TBC1D25: variants seen among roughly 807,000 people sequenced by gnomAD.
TBC1D25 encodes TBC1 domain family member 25, also known as 5SN3 snoRNA.
Under a neutral mutation model 38.8 loss-of-function variants are expected in TBC1D25, and 13 were observed. That is an observed-to-expected ratio of 0.34 (90% CI 0.22 to 0.53). TBC1D25 has a LOEUF of 0.53. Among genes scored for constraint, TBC1D25 ranks in the 20% least tolerant of loss-of-function variants. The pLI is 0.94. For missense variants in TBC1D25, 372 were observed against 600.0 expected (o/e 0.62, Z 3.97); for synonymous variants, 225 against 255.6 (o/e 0.88, Z 1.14).
At position 48,539,868 on chromosome X, in the gene TBC1D25, C is replaced by T. The variant is rs1046447031; in HGVS notation, c.71C>T (p.Ala24Val). The change falls in exon 1 of 6, where the codon GCG becomes GTG. Residue 24 changes from alanine (A) to valine (V), a missense_variant. Around this residue, in one of 2 missense-constraint regions of TBC1D25, gnomAD observed 60 missense variants for 50.7 expected, o/e 1.18. Transcript: ENST00000376771. The stretch of plus-strand genomic sequence containing the variant: ...CCCCCGCCCGGTGTGGGAGCTCAGG[C>T]GGCGGCGGCCGCTGAGGAGGAGGAG... The part of the protein sequence containing the change: ...GAPPPGVGAQ[A>V]AAAAEEEERE... 40 of 965,696 alleles carry T rather than the reference C, an allele frequency of 4.1e-5. No individual in the cohort carries two copies. Among genetic ancestry groups the T allele is most frequent in the Non-Finnish European group, 5.1e-5 (39 of 768,335 alleles). The allele number at this position is 965,696 out of a possible 1,213,427, so 79.6% of individuals were successfully genotyped here.
Position 48,560,932 on chromosome X carries a change from T to A in TBC1D25, c.2024T>A (p.Val675Glu). 1 of 1,207,201 alleles carries A rather than the reference T, an allele frequency of 8.3e-7. No individual in the cohort carries two copies. Among genetic ancestry groups the A allele is most frequent in the Non-Finnish European group, 1.1e-6 (1 of 893,392 alleles). ...ALFADYLQSE[V>E]WDSEEGAEAT... ...TTTGCTGATTACCTGCAGTCAGAGG[T>A]GTGGGACTCAGAGGAGGGGGCTGAG... Residue 675 changes from valine to glutamate, a missense_variant, in exon 6 of 6, where the codon GTG (valine) becomes GAG (glutamate). By Grantham distance (121) the Val-to-Glu change is moderately radical. This residue lies in a region of TBC1D25 where 312 missense variants were observed against 549.3 expected (regional missense o/e 0.57). Transcript: ENST00000376771.
At chrX:48,557,329 G>A (rs1270823810) in intron 3 of TBC1D25, among the ~76,000 whole-genome samples, 1 of 111,098 alleles carries the variant, frequency 9.0e-6, no homozygotes, top group Non-Finnish European at 1.9e-5. Flanking sequence ...GCAACATAGC[G>A]AAACCTCATC....
intron 3 of TBC1D25, among the ~76,000 whole-genome samples, chrX:48,545,724 G>T (rs888140877): frequency 8.9e-6 from 1 of 112,118 alleles, no homozygotes; most frequent in African/African-American, 3.2e-5. Context: ...TAGTCGTTTT[G>T]TGCTACTATA....
At chrX:48,558,853 G>A in intron 3 of TBC1D25, 44 bp from the exon 4 acceptor site, 5 of 1,206,812 alleles carry the variant, frequency 4.1e-6, no homozygotes, top group Non-Finnish European at 3.4e-6. Context: ...CTGAGGTCTG[G>A]GTTATCATCC....
At chrX:48,544,744 G>C in intron 2 of TBC1D25, 125 bp from the exon 3 acceptor site, 1 of 890,629 alleles carries the variant, frequency 1.1e-6, no homozygotes, top group Non-Finnish European at 1.5e-6. Context: ...CCTTGGCACA[G>C]TACCTTGCAC....
At chrX:48,550,082 G>A (rs2061917693) in intron 3 of TBC1D25, among the ~76,000 whole-genome samples, 1 of 109,977 alleles carries the variant, frequency 9.1e-6, no homozygotes, top group Non-Finnish European at 1.9e-5. Context: ...CGTCTCCTGG[G>A]TTCAAGCAAT....
In TBC1D25 at chrX:48,553,616, C is replaced by CTTTTTTT. The variant is rs1209605714; in HGVS notation, c.389-5265_389-5259dup. ...GGAAGCTGCAAGAGTTTTTCTTTTT[C>CTTTTTTT]TTTTTTTTTTTTTTTTTTTTTTGAG... On this transcript the variant is annotated intron_variant, in intron 3 of 5. Transcript: ENST00000376771. 6.2e-3 allele frequency among the ~76,000 whole-genome samples: 327 copies of CTTTTTTT among 53,073 alleles called. 1 individual carries two copies. Among genetic ancestry groups the CTTTTTTT allele is most frequent in the Non-Finnish European group, 7.7e-3 (245 of 31,940 alleles). 46.1% of individuals were successfully genotyped at this position (53,073 alleles called of 115,157 possible).
In TBC1D25 at chrX:48,555,476, G is replaced by A. The variant is rs782286521; in HGVS notation, c.389-3421G>A. On this transcript the variant is annotated intron_variant, in intron 3 of 5. Transcript: ENST00000376771. ...GTTTGAAAGTTAGCCACTTGGGCCG[G>A]ATGCAGTGGCTCACGCCTGTAATCC... is the stretch of plus-strand genomic sequence containing the variant. Among the ~76,000 whole-genome samples the A allele has an allele frequency of 2.9e-3, 322 of 112,664 alleles. 3 individuals are homozygous for A. The highest frequency in any genetic ancestry group is 9.6e-3 in the African/African-American group (297 of 31,097).
chrX:48,542,165 A>ATTT (rs1389559717), intron 2 of TBC1D25, among the ~76,000 whole-genome samples: 6 of 75,516 alleles, frequency 7.9e-5, no homozygotes, highest in African/African-American at 1.0e-4. Flanking sequence ...TGCCCGGATA[A>ATTT]TTTTTTTTTT....
Position 48,544,847 on chromosome X carries a change from C to T in TBC1D25, c.234-22C>T, listed in dbSNP as rs782588729. 11 of 1,208,310 alleles carry T rather than the reference C, an allele frequency of 9.1e-6. 1 individual carries two copies. The South Asian group carries it at 1.6e-4, about 18-fold the overall frequency. On this transcript the variant is annotated intron_variant, in intron 2 of 5. Transcript: ENST00000376771. The stretch of plus-strand genomic sequence containing the variant: ...TCCAGGGCACCAGGGGCCCTGAGAG[C>T]TCCCTCGTATCCCCTGTCCAGGAAG...
Position 48,560,403 on chromosome X carries a change from G to A in TBC1D25, c.1495G>A (p.Gly499Arg), listed in dbSNP as rs200545521. 8 of 1,211,531 alleles carry A rather than the reference G, an allele frequency of 6.6e-6. No homozygotes were observed. The highest frequency in any genetic ancestry group is 5.6e-6 in the Non-Finnish European group (5 of 895,407). ...AGCCAGTCAGGGGCCTGGTGGTGGG[G>A]GGCGTCTCCTGAGACAGGCCAGCTT... The part of the protein sequence containing the change: ...ATASQGPGGG[G>R]RLLRQASLDG... The change falls in exon 6 of 6, where the codon GGG becomes AGG. Residue 499 changes from glycine (G) to arginine (R), a missense_variant. Physicochemically the swap from Gly to Arg is moderately radical, Grantham distance 125 (BLOSUM62 -2). Coordinates refer to ENST00000376771, the MANE Select transcript of TBC1D25 (RefSeq NM_002536.4).
chrX:48,546,059 A>G (rs1426545543), intron 3 of TBC1D25, among the ~76,000 whole-genome samples: 1 of 110,186 alleles, frequency 9.1e-6, no homozygotes, highest in Admixed American at 9.8e-5. Context: ...AAAAAAATAC[A>G]AAAATTAGCC....
Position 48,559,820 on chromosome X carries a change from G to T in TBC1D25, c.912G>T (p.Gly304=), listed in dbSNP as rs782755249. The part of the protein sequence containing the change: ...RTDRAHPYYA[G]PEDGPHLRAL... ...ACCGGGCCCACCCCTACTATGCGGG[G>T]CCTGAGGATGGCCCACATCTACGGG... is the stretch of plus-strand genomic sequence containing the variant. The change falls in exon 6 of 6, where the codon GGG becomes GGT. Residue 304 remains glycine (G), a synonymous_variant. Coordinates refer to ENST00000376771, the MANE Select transcript of TBC1D25 (RefSeq NM_002536.4). 1.7e-6 allele frequency: 2 copies of T among 1,211,947 alleles called. No individual in the cohort carries two copies. Among genetic ancestry groups the T allele is most frequent in the Non-Finnish European group, 1.1e-6 (1 of 895,562 alleles).
At chrX:48,540,249 G>T (rs2061828104) in intron 1 of TBC1D25, among the ~76,000 whole-genome samples, 1 of 111,606 alleles carries the variant, frequency 9.0e-6, no homozygotes, top group African/African-American at 3.3e-5. Context: ...ATGAGAAGGT[G>T]CTGGCTCTGG....
intron 2 of TBC1D25, among the ~76,000 whole-genome samples, chrX:48,544,610 T>C (rs2083121797): frequency 9.0e-6 from 1 of 111,454 alleles, no homozygotes. Flanking sequence ...CGTGAGCCAC[T>C]GCACCCGGCC....
At chrX:48,546,613 A>C (rs2061889065) in intron 3 of TBC1D25, among the ~76,000 whole-genome samples, 1 of 112,292 alleles carries the variant, frequency 8.9e-6, no homozygotes, top group East Asian at 2.8e-4. Context: ...CCACCTCTTA[A>C]TATGATCACA....
Position 48,545,181 on chromosome X carries a change from T to C in TBC1D25, c.388+158T>C, listed in dbSNP as rs1316050478. Among the ~76,000 whole-genome samples, 4 of 112,066 alleles carry C rather than the reference T, an allele frequency of 3.6e-5. No homozygotes were observed. In the East Asian group the frequency reaches 1.1e-3, roughly 32 times the overall value. The stretch of plus-strand genomic sequence containing the variant: ...CACTAGGCCACAATTTCTTCACTTG[T>C]AAAGAGATAATTGTATCTTAGAACC... On this transcript the variant is annotated intron_variant, in intron 3 of 5. Transcript: ENST00000376771.
intron 3 of TBC1D25, among the ~76,000 whole-genome samples, chrX:48,558,374 T>C (rs2061993522): frequency 9.0e-6 from 1 of 111,637 alleles, no homozygotes; most frequent in Non-Finnish European, 1.9e-5. Context: ...GTTTGGGCTC[T>C]TGAGCTTGGG....
Position 48,541,308 on chromosome X carries a change from C to A in TBC1D25, c.124-25C>A, listed in dbSNP as rs374453910. 5.7e-5 allele frequency: 68 copies of A among 1,200,210 alleles called. No individual in the cohort carries two copies. The African/African-American group carries it at 1.0e-3, about 18-fold the overall frequency. On this transcript the variant is annotated intron_variant, in intron 1 of 5. Transcript: ENST00000376771. Reference sequence around the variant, plus strand: ...AGCATGGTGATGGGGCCCCTGGTGGCCTACCCCATGTCTTCTCTCCCCAGA... The same window carrying A: ...AGCATGGTGATGGGGCCCCTGGTGGACTACCCCATGTCTTCTCTCCCCAGA...
Sources: gnomAD v4.1 joint callset for allele counts (sites outside exome capture counted in the v4.1 genomes callset) on GRCh38, gnomAD v4.1.1 for gene constraint, gnomAD v4.1.1 regional missense constraint, MANE v1.5 for transcripts, NCBI Gene and HGNC (gene_info 2026-07-23, HGNC 2026-07-21) for gene names.